LHX4: variants seen among roughly 807,000 people sequenced by gnomAD.
LHX4 encodes LIM/homeobox protein Lhx4.
A neutral mutation model predicts 39.2 loss-of-function variants in LHX4; 16 were observed. The observed-to-expected ratio is 0.41, with a 90% CI of 0.28 to 0.62. The LOEUF (loss-of-function observed/expected upper bound fraction) is 0.62, where lower values mean the gene tolerates loss of function less well. Among genes scored for constraint, LHX4 ranks in the 20% least tolerant of loss-of-function variants. LHX4 has a pLI of 0.33. For missense variants in LHX4, 439 were observed against 511.9 expected, an observed-to-expected ratio of 0.86 and a Z score of 1.37; for synonymous variants, 206 against 198.1, an observed-to-expected ratio of 1.04 and a Z score of -0.33.
intron 3 of LHX4, 24 bp from the exon 4 acceptor site, chr1:180,271,356 G>A (rs1404831979): frequency 6.2e-7 from 1 of 1,614,122 alleles, no homozygotes; most frequent in Admixed American, 1.7e-5. Context: ...GCCGAAGCCA[G>A]TAAGCAGTGG....
Position 180,230,560 on chromosome 1 carries a change from GGGGCTGTCAA to G in LHX4, c.35_44del (p.Ala12GlyfsTer6). Reference sequence around the variant, plus strand: ...GCAGAGTGCGACTGTCCCCGCGGAAGGGGCTGTCAAGGGGCTCCCGGAGATGCTAGGTGTG... The same window carrying G: ...GCAGAGTGCGACTGTCCCCGCGGAAGGGGGCTCCCGGAGATGCTAGGTGTG... On this transcript the variant is annotated frameshift_variant, in exon 1 of 6. Transcript: ENST00000263726. LOFTEE classifies it high-confidence loss of function. This position sits in a 1 kb window ranked among gnomAD's most constrained non-coding sequence, Gnocchi z 5.8. The G allele has an allele frequency of 6.2e-7, 1 of 1,614,020 alleles. No homozygotes were observed. The highest frequency in any genetic ancestry group is 8.5e-7 in the Non-Finnish European group (1 of 1,180,004).
At chr1:180,258,682 T>C (rs373613489) in intron 2 of LHX4, among the ~76,000 whole-genome samples, 3 of 152,072 alleles carry the variant, frequency 2.0e-5, no homozygotes, top group South Asian at 4.1e-4. Flanking sequence ...TTCACTTCTA[T>C]TGTCTCACCT....
chr1:180,229,222 G>T (rs1664097232), upstream of LHX4, among the ~76,000 whole-genome samples: 1 of 152,234 alleles, frequency 6.6e-6, no homozygotes, highest in Admixed American at 6.5e-5. Context: ...CTGCACGCAC[G>T]AGGTCGCGGA....
At chr1:180,248,573 G>A (rs939062104) in intron 2 of LHX4, 117 bp downstream of exon 2, 1 of 1,113,424 alleles carries the variant, frequency 9.0e-7, no homozygotes. Flanking sequence ...TCTGGGAGGG[G>A]CAGGTAAATC....
chr1:180,278,640 T>G lies in LHX4; in HGVS notation c.*4061T>G, dbSNP rs1649189122. 6.6e-6 allele frequency: 1 copy of G among 151,712 alleles called. No homozygotes were observed. The highest frequency in any genetic ancestry group is 1.5e-5 in the Non-Finnish European group (1 of 67,952). 9.4% of individuals were successfully genotyped at this position (151,712 alleles called of 1,614,324 possible). ...CGAGAGGCAAGAATCACACCAACTT[T>G]CCCACTTGAGGACTGTGTTCGGCCA... On this transcript the variant is annotated 3_prime_UTR_variant, in exon 6 of 6. Transcript: ENST00000263726.
At position 180,274,470 on chromosome 1, in the gene LHX4, T is replaced by C; in HGVS notation, c.1064T>C (p.Met355Thr). 2 of 1,614,158 alleles carry C rather than the reference T, an allele frequency of 1.2e-6. No homozygotes were observed. Among genetic ancestry groups the C allele is most frequent in the Non-Finnish European group, 1.7e-6 (2 of 1,180,030 alleles). The change falls in exon 6 of 6, where the codon ATG becomes ACG. Residue 355 changes from methionine to threonine, a missense_variant. Met to Thr is a moderately conservative substitution (Grantham distance 81). Transcript: ENST00000263726. ...GQGVSQTLRA[M>T]AGGPTSDIST... ...GGAGTAAGCCAGACGCTGAGAGCCA[T>C]GGCTGGGGGACCCACCTCTGACATC...
intron 1 of LHX4, among the ~76,000 whole-genome samples, chr1:180,237,706 C>T (rs1389941293): frequency 6.6e-6 from 1 of 152,140 alleles, no homozygotes; most frequent in Non-Finnish European, 1.5e-5. Flanking sequence ...GTACCTCACC[C>T]CCACATGTCT....
At chr1:180,245,788 C>G (rs1414776665) in intron 1 of LHX4, among the ~76,000 whole-genome samples, 1 of 134,196 alleles carries the variant, frequency 7.5e-6, no homozygotes, top group Non-Finnish European at 1.7e-5. Context: ...CAGAGAGAGG[C>G]TAAGTCATTT....
chr1:180,271,160 G>A (rs1648629548), intron 3 of LHX4: 1 of 616,606 alleles, frequency 1.6e-6, no homozygotes, highest in Non-Finnish European at 2.9e-6. Flanking sequence ...AGCAGAGAAA[G>A]GACTGCTGTC....
intron 3 of LHX4, chr1:180,270,306 CAGAG>C (rs994302310): frequency 1.3e-5 from 2 of 152,278 alleles, no homozygotes; most frequent in East Asian, 1.9e-4. Context: ...GGAGAAAAGA[CAGAG>C]AGGAAGTCAG....
chr1:180,239,896 G>T (rs1285829901), intron 1 of LHX4, among the ~76,000 whole-genome samples: 1 of 152,186 alleles, frequency 6.6e-6, no homozygotes, highest in East Asian at 1.9e-4. Context: ...ACTGCTGGCT[G>T]TCCCAAGAGG....
rs536717849 is a variant in LHX4, at chr1:180,255,397, C to T, written c.248+6941C>T. The stretch of plus-strand genomic sequence containing the variant: ...ACATGCATACACACACGCACACACG[C>T]GTGCACACACATGCACACACACAGT... On this transcript the variant is annotated intron_variant, in intron 2 of 5. Transcript: ENST00000263726. Among the ~76,000 whole-genome samples, 170 of 152,312 alleles carry T rather than the reference C, an allele frequency of 1.1e-3. 1 individual carries two copies. The highest frequency in any genetic ancestry group is 3.6e-3 in the African/African-American group (149 of 41,554).
At chr1:180,248,777 G>GA in intron 2 of LHX4, 2 of 402,378 alleles carry the variant, frequency 5.0e-6, no homozygotes, top group Non-Finnish European at 4.7e-6. Context: ...AAGAGCAACA[G>GA]AAAGAGTTGC....
At chr1:180,257,895 C>G (rs1357792213) in intron 2 of LHX4, among the ~76,000 whole-genome samples, 1 of 152,180 alleles carries the variant, frequency 6.6e-6, no homozygotes, top group Non-Finnish European at 1.5e-5. Flanking sequence ...GTTCAAATCC[C>G]AGCTCCACCG....
chr1:180,241,781 GT>G (rs2149254354), intron 1 of LHX4, among the ~76,000 whole-genome samples: 1 of 151,946 alleles, frequency 6.6e-6, no homozygotes, highest in Admixed American at 6.5e-5. Context: ...TTAAATTTTT[GT>G]TTTGATTTTT....
intron 1 of LHX4, among the ~76,000 whole-genome samples, chr1:180,231,509 C>A (rs994646676): frequency 6.7e-6 from 1 of 149,520 alleles, no homozygotes; most frequent in Non-Finnish European, 1.5e-5. Flanking sequence ...GAGCGAGAGT[C>A]CCCGAGAGGG....
upstream of LHX4, among the ~76,000 whole-genome samples, chr1:180,229,835 C>T (rs1331271781): frequency 6.6e-6 from 1 of 151,734 alleles, no homozygotes; most frequent in Non-Finnish European, 1.5e-5. Context: ...GGGCTTGGAA[C>T]CCACGAAGAC....
intron 1 of LHX4, among the ~76,000 whole-genome samples, chr1:180,238,174 A>C (rs1664368967): frequency 6.6e-6 from 1 of 152,230 alleles, no homozygotes; most frequent in South Asian, 2.1e-4. Flanking sequence ...AATTATCTCC[A>C]GTTTACTTTT....
chr1:180,265,396 C>CT (rs1491252276), intron 2 of LHX4, among the ~76,000 whole-genome samples: 1 of 152,238 alleles, frequency 6.6e-6, no homozygotes, highest in Non-Finnish European at 1.5e-5. Context: ...TTCACTGTCC[C>CT]TGTCGGCCCC....
Sources: gnomAD v4.1 joint callset for allele counts (sites outside exome capture counted in the v4.1 genomes callset) on GRCh38, gnomAD v4.1.1 for gene constraint, Gnocchi (gnomAD v3.1) non-coding constraint, MANE v1.5 for transcripts, NCBI Gene and HGNC (gene_info 2026-07-23, HGNC 2026-07-21) for gene names.